RBFOX1: variants seen among roughly 807,000 people sequenced by gnomAD.
RBFOX1 encodes RNA binding protein fox-1 homolog 1.
In RBFOX1, 8 loss-of-function variants were observed where a neutral mutation model predicts 57.7. That is an observed-to-expected ratio of 0.14 (90% confidence interval 0.08 to 0.25). The LOEUF (loss-of-function observed/expected upper bound fraction) is 0.25, where lower values mean the gene tolerates loss of function less well. Among genes scored for constraint, RBFOX1 ranks in the 10% least tolerant of loss-of-function variants. The pLI, the probability that RBFOX1 is intolerant of heterozygous loss-of-function variation, is 1.00. For missense variants in RBFOX1, 611 were observed against 548.5 expected (o/e 1.11, Z -1.14); for synonymous variants, 326 against 222.4 (o/e 1.47, Z -4.15).
chr16:7,535,191 C>T (rs957641702), intron 5 of RBFOX1, among the ~76,000 whole-genome samples: 1 of 152,100 alleles, frequency 6.6e-6, no homozygotes, highest in African/African-American at 2.4e-5. Context: ...ATGCACACAC[C>T]GTAATGTATT....
chr16:5,765,506 AG>A (rs1200463133), intron 3 of RBFOX1, among the ~76,000 whole-genome samples: 1 of 152,232 alleles, frequency 6.6e-6, no homozygotes, highest in African/African-American at 2.4e-5. Flanking sequence ...ACATTTTATG[AG>A]GGCAAGGACT....
chr16:7,212,317 A>G (rs1249254728), intron 4 of RBFOX1, among the ~76,000 whole-genome samples: 1 of 152,098 alleles, frequency 6.6e-6, no homozygotes, highest in Non-Finnish European at 1.5e-5. Flanking sequence ...CAATATTGGG[A>G]TGGTTCCCTA....
intron 2 of RBFOX1, among the ~76,000 whole-genome samples, chr16:6,622,871 A>C (rs2098252784): frequency 1.3e-5 from 2 of 152,214 alleles, no homozygotes; most frequent in African/African-American, 4.8e-5. Context: ...GTTTTTATCC[A>C]CATGTTGTTC....
chr16:6,471,820 C>G (rs74005214), intron 2 of RBFOX1, among the ~76,000 whole-genome samples: 1 of 152,086 alleles, frequency 6.6e-6, no homozygotes, highest in Non-Finnish European at 1.5e-5. Flanking sequence ...TCTGGAGATT[C>G]TAGCAGGGAT....
intron 13 of RBFOX1, among the ~76,000 whole-genome samples, chr16:7,675,908 G>A (rs2073133473): frequency 6.6e-6 from 1 of 152,164 alleles, no homozygotes; most frequent in African/African-American, 2.4e-5. Flanking sequence ...TATCATTGTG[G>A]TCCACTGAGC....
rs35059932 is a variant in RBFOX1 at position 7,126,292 on chromosome 16, C to T, written c.27+74194C>T. 1,767 of 317,282 alleles carry T rather than the reference C, an allele frequency of 5.6e-3. 8 individuals are homozygous for T. The highest frequency in any genetic ancestry group is 7.9e-3 in the Non-Finnish European group (1,299 of 165,264). The allele number at this position is 317,282 out of a possible 1,614,324, so 19.7% of individuals were successfully genotyped here. A position where few individuals can be genotyped will look rare whatever the true frequency, so the allele number is the denominator to read the frequency against. On this transcript the variant is annotated intron_variant, in intron 4 of 15. Coordinates refer to ENST00000550418, the MANE Select transcript of RBFOX1 (RefSeq NM_018723.4). ...TCTTCAGTCTTGAAGGACTCAGCTC[C>T]TTACATGGGCTTTGGTGGGGGTCAT...
At chr16:5,653,937 C>T (rs944795085) in intron 3 of RBFOX1, among the ~76,000 whole-genome samples, 3 of 152,194 alleles carry the variant, frequency 2.0e-5, no homozygotes, top group Non-Finnish European at 4.4e-5. Flanking sequence ...GTCTATTCTC[C>T]TTCTCACTTT....
rs1014128733 is a variant in RBFOX1 at position 5,374,057 on chromosome 16, ACAGGCACCTGCCATCATGTG to A, written c.220-93137_220-93118del. ...CTCACCCTCCTGAGTAGCTGCGATT[ACAGGCACCTGCCATCATGTG>A]CAGGCACCTGCCATCATGTGCGGCT... On this transcript the variant is annotated intron_variant, in intron 1 of 2. Transcript: ENST00000585867. 1.2e-3 allele frequency among the ~76,000 whole-genome samples: 181 copies of A among 152,296 alleles called. 2 individuals carry two copies. Among genetic ancestry groups the A allele is most frequent in the East Asian group, 2.9e-3 (15 of 5,182 alleles).
chr16:5,516,883 G>T (rs3922438), intron 2 of RBFOX1, among the ~76,000 whole-genome samples: 2 of 152,102 alleles, frequency 1.3e-5, no homozygotes, highest in Non-Finnish European at 2.9e-5. Flanking sequence ...ATCCCCAGCC[G>T]TGCAGAACTG....
chr16:6,786,703 C>T (rs1407335616), intron 3 of RBFOX1, among the ~76,000 whole-genome samples: 1 of 152,116 alleles, frequency 6.6e-6, no homozygotes, highest in African/African-American at 2.4e-5. Context: ...AATGGGGACC[C>T]TAGCACTACG....
At chr16:7,410,516 T>C (rs1391744274) in intron 4 of RBFOX1, among the ~76,000 whole-genome samples, 3 of 152,148 alleles carry the variant, frequency 2.0e-5, no homozygotes, top group Non-Finnish European at 4.4e-5. Context: ...ACCCGGTCTC[T>C]ACTAAAAATA....
At chr16:6,768,287 A>G (rs1190240892) in intron 3 of RBFOX1, among the ~76,000 whole-genome samples, 1 of 152,160 alleles carries the variant, frequency 6.6e-6, no homozygotes, top group Non-Finnish European at 1.5e-5. Flanking sequence ...TTTTTAAACA[A>G]TAAATGTTTG....
At chr16:7,014,511 G>A (rs998914133) in intron 3 of RBFOX1, among the ~76,000 whole-genome samples, 1 of 151,814 alleles carries the variant, frequency 6.6e-6, no homozygotes, top group Admixed American at 6.6e-5. Flanking sequence ...ACAGTGCTAG[G>A]ATTACAGTGA....
chr16:5,583,160 G>T (rs181817193), intron 2 of RBFOX1, among the ~76,000 whole-genome samples: 167 of 152,292 alleles, frequency 1.1e-3, no homozygotes, highest in Admixed American at 4.1e-3. Context: ...AAATTGTACA[G>T]CCATAGAATG....
At chr16:6,526,727 G>C (rs1456718580) in intron 2 of RBFOX1, among the ~76,000 whole-genome samples, 1 of 150,736 alleles carries the variant, frequency 6.6e-6, no homozygotes, top group Non-Finnish European at 1.5e-5. Flanking sequence ...CTACTAGGGA[G>C]GCTGAGGCAG....
chr16:5,732,317 G>A (rs920369497), intron 3 of RBFOX1, among the ~76,000 whole-genome samples: 4 of 152,178 alleles, frequency 2.6e-5, no homozygotes, highest in African/African-American at 7.2e-5. Context: ...AAGAGGGAAC[G>A]TACCTTCTTC....
chr16:5,274,986 G>C (rs10852652), intron 1 of RBFOX1, among the ~76,000 whole-genome samples: 81,433 of 151,482 alleles, frequency 0.54, 22,946 homozygotes, highest in African/African-American at 0.73. Context: ...TAGCTGATGC[G>C]AAGCTTGGGT....
chr16:6,932,533 A>C (rs1294920902), intron 3 of RBFOX1, among the ~76,000 whole-genome samples: 2 of 152,090 alleles, frequency 1.3e-5, no homozygotes, highest in African/African-American at 4.8e-5. Flanking sequence ...TCTGCTTCCA[A>C]GTGTCTCACC....
intron 4 of RBFOX1, among the ~76,000 whole-genome samples, chr16:7,104,752 C>T (rs1315057457): frequency 6.6e-6 from 1 of 152,252 alleles, no homozygotes; most frequent in East Asian, 1.9e-4. Flanking sequence ...TCAACCACTT[C>T]ATCCTTTCTT....
Sources: gnomAD v4.1 joint callset for allele counts (sites outside exome capture counted in the v4.1 genomes callset) on GRCh38, gnomAD v4.1.1 for gene constraint, MANE v1.5 for transcripts, NCBI Gene and HGNC (gene_info 2026-07-23, HGNC 2026-07-21) for gene names.